USP34: variants seen among roughly 807,000 people sequenced by gnomAD.
The protein encoded by USP34 is ubiquitin specific peptidase 34, also known as ubiquitin carboxyl-terminal hydrolase 34.
In USP34, 70 loss-of-function variants were observed where a neutral mutation model predicts 460.3. The ratio of observed to expected loss-of-function variants is 0.15; its 90% CI spans 0.13 to 0.19. The LOEUF (loss-of-function observed/expected upper bound fraction) is 0.19. USP34 is among the 10% of genes least tolerant of loss of function. The probability of loss-of-function intolerance (pLI) is 1.00; values close to 1 mark genes in which losing one functional copy is unlikely to be tolerated. For missense variants in USP34, 3,985 were observed against 4,236.2 expected (o/e 0.94, Z 1.65); for synonymous variants, 1,647 against 1,405.3 (o/e 1.17, Z -3.85).
chr2:61,422,333 C>A (rs922908890), intron 1 of USP34, among the ~76,000 whole-genome samples: 5 of 151,264 alleles, frequency 3.3e-5, no homozygotes, highest in African/African-American at 1.2e-4. Flanking sequence ...TAACAAAAAA[C>A]ACACACGGCA....
Position 61,221,527 on chromosome 2 carries a change from G to C in USP34, c.7874C>G (p.Ser2625Cys). The C allele has an allele frequency of 6.2e-7, 1 of 1,613,956 alleles. No individual in the cohort carries two copies. Among genetic ancestry groups the C allele is most frequent in the Non-Finnish European group, 8.5e-7 (1 of 1,179,910 alleles). Residue 2625 changes from serine (S) to cysteine (C), a missense_variant, in exon 66 of 80, where the codon TCT becomes TGT. This residue lies in a region of USP34 where 604 missense variants were observed against 684.8 expected (regional missense o/e 0.88). Coordinates refer to ENST00000398571, the MANE Select transcript of USP34 (RefSeq NM_014709.4). Reference protein sequence around the residue: ...GGPPGMPPFASYILQRIWEVI... With the variant: ...GGPPGMPPFACYILQRIWEVI... ...CTCCCATATCCTCTGCAGAATATAA[G>C]ATGCAAAGGGAGGCATTCCTGGAGG... is the stretch of plus-strand genomic sequence containing the variant.
At chr2:61,309,299 C>T (rs1188183485) in intron 27 of USP34, among the ~76,000 whole-genome samples, 2 of 152,156 alleles carry the variant, frequency 1.3e-5, no homozygotes, top group Non-Finnish European at 2.9e-5. Context: ...GAATAGAACA[C>T]TCCCTGTACT....
intron 51 of USP34, among the ~76,000 whole-genome samples, chr2:61,244,001 C>T (rs1688352240): frequency 6.6e-6 from 1 of 151,746 alleles, no homozygotes; most frequent in African/African-American, 2.4e-5. Flanking sequence ...GACTGCTTTT[C>T]TTTTTCCATT....
intron 48 of USP34, among the ~76,000 whole-genome samples, chr2:61,254,582 C>A (rs1037307404): frequency 2.0e-5 from 3 of 152,142 alleles, no homozygotes; most frequent in Admixed American, 1.3e-4. Context: ...CTTTTCAATC[C>A]GATTTCTATT....
chr2:61,289,487 C>A (rs756774050), intron 33 of USP34, among the ~76,000 whole-genome samples: 1 of 151,952 alleles, frequency 6.6e-6, no homozygotes, highest in Admixed American at 6.6e-5. Flanking sequence ...AATAACAGTT[C>A]ACTTTCTTTA....
chr2:61,405,716 T>G lies in USP34; in HGVS notation c.544A>C (p.Thr182Pro). The change falls in exon 3 of 80, where the codon ACT (threonine) becomes CCT (proline). Residue 182 changes from threonine to proline, a missense_variant. This residue lies in a region of USP34 where 331 missense variants were observed against 293.7 expected (regional missense o/e 1.13). Coordinates refer to ENST00000398571, the MANE Select transcript of USP34 (RefSeq NM_014709.4). ...YTAYKHNTHP[T>P]IEDISTQESN... Reference sequence around the variant, plus strand: ...CCACCTATTTTACATACCTCAATAGTAGGGTGAGTATTATGCTTGTAAGCA... The same window carrying G: ...CCACCTATTTTACATACCTCAATAGGAGGGTGAGTATTATGCTTGTAAGCA... The G allele has an allele frequency of 1.9e-6, 3 of 1,542,228 alleles. No individual in the cohort carries two copies. The highest frequency in any genetic ancestry group is 4.5e-5 in the East Asian group (2 of 44,308).
chr2:61,339,817 ATATTT>A (rs1691532436), intron 16 of USP34, 136 bp from the exon 17 acceptor site: 1 of 433,502 alleles, frequency 2.3e-6, no homozygotes. Flanking sequence ...CATTAGCACA[ATATTT>A]TGTTTTGTTT....
intron 3 of USP34, among the ~76,000 whole-genome samples, chr2:61,402,386 A>G: frequency 6.6e-6 from 1 of 152,164 alleles, no homozygotes; most frequent in Non-Finnish European, 1.5e-5. Flanking sequence ...TGATGGGGAC[A>G]ATAGGAAAGA....
Position 61,396,193 on chromosome 2 carries a change from G to A in USP34, c.553-960C>T, listed in dbSNP as rs1408475266. Among the ~76,000 whole-genome samples, 37 of 152,204 alleles carry A rather than the reference G, an allele frequency of 2.4e-4. 1 individual carries two copies. The highest frequency in any genetic ancestry group is 2.1e-4 in the South Asian group (1 of 4,822). Reference sequence around the variant, plus strand: ...GAAACTGCTTTGGAATTCCCTAGAGGTATACTGAAGAGTTACACGTGCTTC... The same window carrying A: ...GAAACTGCTTTGGAATTCCCTAGAGATATACTGAAGAGTTACACGTGCTTC... On this transcript the variant is annotated intron_variant, in intron 3 of 79. Transcript: ENST00000398571.
chr2:61,234,806 A>G (rs769453747), intron 57 of USP34, among the ~76,000 whole-genome samples: 1 of 151,648 alleles, frequency 6.6e-6, no homozygotes, highest in Non-Finnish European at 1.5e-5. Flanking sequence ...TGACCAGTTA[A>G]TTTTATTTTT....
chr2:61,470,638 G>T lies in USP34; in HGVS notation c.43+12C>A. The T allele has an allele frequency of 1.3e-6, 2 of 1,587,028 alleles. No individual in the cohort carries two copies. The highest frequency in any genetic ancestry group is 2.4e-5 in the East Asian group (1 of 42,432). ...CCGTGCACCCCGACAGGCCGCTACCGCGGCTACTTACTTTCATTTAACACC... is the reference window on the plus strand; with the variant it reads ...CCGTGCACCCCGACAGGCCGCTACCTCGGCTACTTACTTTCATTTAACACC... On this transcript the variant is annotated intron_variant, in intron 1 of 79. Coordinates refer to ENST00000398571, the MANE Select transcript of USP34 (RefSeq NM_014709.4).
At chr2:61,451,122 G>A (rs1170089101) in intron 1 of USP34, among the ~76,000 whole-genome samples, 1 of 144,010 alleles carries the variant, frequency 6.9e-6, no homozygotes, top group South Asian at 2.1e-4. Flanking sequence ...TCGGGACGCT[G>A]AGACAGGAGA....
At chr2:61,384,870 C>A (rs752964586) in intron 5 of USP34, among the ~76,000 whole-genome samples, 3 of 151,252 alleles carry the variant, frequency 2.0e-5, no homozygotes, top group African/African-American at 7.3e-5. Flanking sequence ...AGGACCTAGA[C>A]AATATAAGTT....
At position 61,204,440 on chromosome 2, in the gene USP34, T is replaced by C. The variant is rs1687059440; in HGVS notation, c.9259+57A>G. 3 of 1,612,856 alleles carry C rather than the reference T, an allele frequency of 1.9e-6. No homozygotes were observed. In the Admixed American group the frequency reaches 5.0e-5, roughly 27 times the overall value. On this transcript the variant is annotated intron_variant, in intron 73 of 79. Transcript: ENST00000398571. The stretch of plus-strand genomic sequence containing the variant: ...GAAAAAATAAATCTCCATGCTTCAG[T>C]GTGCAGAACGATTAAATGCGAACCA...
chr2:61,335,997 A>C (rs138683506), intron 18 of USP34, among the ~76,000 whole-genome samples: 2 of 152,296 alleles, frequency 1.3e-5, no homozygotes, highest in African/African-American at 4.8e-5. Flanking sequence ...GATTTTGCCT[A>C]ATCTAGGACT....
At chr2:61,352,159 C>G (rs1196320408) in intron 10 of USP34, among the ~76,000 whole-genome samples, 1 of 152,138 alleles carries the variant, frequency 6.6e-6, no homozygotes, top group Non-Finnish European at 1.5e-5. Context: ...CATGTTGGCA[C>G]TCAGATCTCA....
rs574028742 is a variant in USP34 at position 61,397,518 on chromosome 2, C to G, written c.553-2285G>C. ...CGGTGGCTCACACTTAGAATCCCAG[C>G]ACTTTGGGAGGCCAAGGCCGGCGAA... On this transcript the variant is annotated intron_variant, in intron 3 of 79. Coordinates refer to ENST00000398571, the MANE Select transcript of USP34 (RefSeq NM_014709.4). Among the ~76,000 whole-genome samples, 13 of 152,100 alleles carry G rather than the reference C, an allele frequency of 8.5e-5. No homozygotes were observed. The South Asian group carries it at 2.7e-3, about 32-fold the overall frequency.
chr2:61,302,315 C>T (rs1690253994), intron 27 of USP34, among the ~76,000 whole-genome samples: 1 of 152,144 alleles, frequency 6.6e-6, no homozygotes, highest in African/African-American at 2.4e-5. Context: ...TGACACATAA[C>T]ATTTTAAAAT....
intron 49 of USP34, among the ~76,000 whole-genome samples, chr2:61,247,979 G>C (rs1268730147): frequency 6.6e-6 from 1 of 151,850 alleles, no homozygotes; most frequent in African/African-American, 2.4e-5. Flanking sequence ...CTGAGGTCAG[G>C]AGTTCGAGAC....
Sources: gnomAD v4.1 joint callset for allele counts (sites outside exome capture counted in the v4.1 genomes callset) on GRCh38, gnomAD v4.1.1 for gene constraint, gnomAD v4.1.1 regional missense constraint, MANE v1.5 for transcripts, NCBI Gene and HGNC (gene_info 2026-07-23, HGNC 2026-07-21) for gene names.